The following MYO1H variants were observed in gnomAD, a reference collection of about 807,000 sequenced individuals.
MYO1H encodes the protein myosin IH.
Under a neutral mutation model 149.3 loss-of-function variants are expected in MYO1H, and 118 were observed. The observed-to-expected ratio is 0.79, with a 90% CI of 0.68 to 0.92. The LOEUF is 0.92. Among genes scored for constraint, MYO1H ranks in the 40% least tolerant of loss-of-function variants. MYO1H has a pLI of 0.00. For missense variants in MYO1H, 1,212 were observed against 1,280.7 expected (o/e 0.95, Z 0.82); for synonymous variants, 447 against 465.2 (o/e 0.96, Z 0.50).
intron 13 of MYO1H, 84 bp downstream of exon 13, chr12:109,410,852 T>G: frequency 2.1e-6 from 2 of 975,596 alleles, no homozygotes; most frequent in South Asian, 2.9e-5. Context: ...TTAAAAAGGG[T>G]TGAGCCAGGC....
chr12:109,409,518 A>G, intron 10 of MYO1H, 39 bp from the exon 11 acceptor site: 1 of 1,582,076 alleles, frequency 6.3e-7, no homozygotes, highest in Non-Finnish European at 8.7e-7. Context: ...GCACAAAGGA[A>G]AAGACCTAAC....
At chr12:109,368,591 G>A (rs1275156700) in intron 1 of MYO1H, among the ~76,000 whole-genome samples, 1 of 148,840 alleles carries the variant, frequency 6.7e-6, no homozygotes, top group Non-Finnish European at 1.5e-5. Context: ...GAGAGGTGGA[G>A]GTTGCAGTGA....
At position 109,397,828 on chromosome 12, in the gene MYO1H, T is replaced by G; in HGVS notation, c.570+16T>G. ...TGATTTTCAGGTACACTGAAGCTCC[T>G]ATTACTGGTTCATGGGGACCCCTTA... On this transcript the variant is annotated intron_variant, in intron 5 of 31. Transcript: ENST00000310903. The G allele has an allele frequency of 3.8e-6, 6 of 1,586,254 alleles. No individual in the cohort carries two copies. The highest frequency in any genetic ancestry group is 5.2e-6 in the Non-Finnish European group (6 of 1,163,326).
chr12:109,365,815 AC>A (rs1215228479), intron 1 of MYO1H, among the ~76,000 whole-genome samples: 1 of 152,104 alleles, frequency 6.6e-6, no homozygotes, highest in African/African-American at 2.4e-5. Flanking sequence ...GACCAGGGGT[AC>A]CCAACCCCTG....
At chr12:109,431,850 C>G (rs1453017664) in intron 19 of MYO1H, among the ~76,000 whole-genome samples, 2 of 152,032 alleles carry the variant, frequency 1.3e-5, no homozygotes, top group Non-Finnish European at 2.9e-5. Flanking sequence ...CTTCTCTACT[C>G]TTTCTTGAGA....
chr12:109,440,858 G>C (rs1872092267), intron 25 of MYO1H, 31 bp downstream of exon 25: 3 of 1,448,596 alleles, frequency 2.1e-6, no homozygotes, highest in Non-Finnish European at 2.8e-6. Flanking sequence ...GTGGCCGGTG[G>C]TGGGGGTGGG....
intron 2 of MYO1H, among the ~76,000 whole-genome samples, chr12:109,390,462 A>G (rs1869597971): frequency 6.6e-6 from 1 of 151,812 alleles, no homozygotes; most frequent in South Asian, 2.1e-4. Context: ...TCTATATAAG[A>G]GCTTGGAGCT....
In MYO1H at chr12:109,403,939, C is replaced by T. The variant is rs780268234; in HGVS notation, c.751-43C>T. 10 of 1,332,942 alleles carry T rather than the reference C, an allele frequency of 7.5e-6. No homozygotes were observed. The South Asian group carries it at 8.4e-5, about 11-fold the overall frequency. The allele number at this position is 1,332,942 out of a possible 1,614,324, so 82.6% of individuals were successfully genotyped here. On this transcript the variant is annotated intron_variant, in intron 6 of 31. Coordinates refer to ENST00000310903, the Ensembl canonical transcript of MYO1H. ...AGAGGAATAGACATGCTTAATTGCC[C>T]CTATAAAAATGACATTAAGTGACTC...
At chr12:109,402,701 C>T (rs1317948835) in intron 6 of MYO1H, among the ~76,000 whole-genome samples, 1 of 152,174 alleles carries the variant, frequency 6.6e-6, no homozygotes, top group African/African-American at 2.4e-5. Context: ...CAACTAATTA[C>T]TAGAACAAAG....
At chr12:109,414,778 G>C (rs578059370) in intron 14 of MYO1H, among the ~76,000 whole-genome samples, 1 of 152,156 alleles carries the variant, frequency 6.6e-6, no homozygotes, top group Non-Finnish European at 1.5e-5. Flanking sequence ...TATAATTATA[G>C]CTCACTGCAG....
upstream of MYO1H, among the ~76,000 whole-genome samples, chr12:109,344,335 A>C (rs530712034): frequency 5.9e-5 from 9 of 152,316 alleles, no homozygotes; most frequent in South Asian, 1.9e-3. Context: ...AGTCAACTAT[A>C]TTTTTGTATG....
the MYO1H span, among the ~76,000 whole-genome samples, chr12:109,316,133 C>T: frequency 0.046 from 5,987 of 129,690 alleles, 340 homozygotes; most frequent in East Asian, 0.17. Flanking sequence ...CTGCATGCTT[C>T]AAGCCACCTC....
chr12:109,445,657 A>G (rs751477142), intron 31 of MYO1H, 45 bp downstream of exon 31: 21 of 1,579,472 alleles, frequency 1.3e-5, no homozygotes, highest in Non-Finnish European at 1.7e-5. Flanking sequence ...TTTAGATGAG[A>G]ATATAAGTTA....
intron 21 of MYO1H, among the ~76,000 whole-genome samples, 162 bp from the exon 22 acceptor site, chr12:109,436,326 C>T (rs1427623393): frequency 6.6e-6 from 1 of 152,082 alleles, no homozygotes; most frequent in Non-Finnish European, 1.5e-5. Flanking sequence ...ATGTAACCAG[C>T]CAGCTCTCAG....
chr12:109,443,042 G>GTGTGTGTATACACATA (rs1276021967), intron 27 of MYO1H, among the ~76,000 whole-genome samples: 13 of 91,994 alleles, frequency 1.4e-4, no homozygotes, highest in African/African-American at 6.6e-4. Flanking sequence ...GTGTGTGTGT[G>GTGTGTGTATACACATA]TGTGTATATA....
At chr12:109,412,089 A>C (rs942229695) in intron 14 of MYO1H, 104 bp downstream of exon 14, 8 of 728,960 alleles carry the variant, frequency 1.1e-5, no homozygotes, top group Non-Finnish European at 1.6e-5. Flanking sequence ...TACTTCATAC[A>C]TAAAAATATC....
intron 1 of MYO1H, among the ~76,000 whole-genome samples, chr12:109,358,166 G>A (rs1423422790): frequency 1.3e-5 from 2 of 151,488 alleles, no homozygotes; most frequent in African/African-American, 4.9e-5. Context: ...TTTCAATAAC[G>A]CATCATGACA....
At chr12:109,333,286 C>T in the MYO1H span, among the ~76,000 whole-genome samples, 9 of 152,000 alleles carry the variant, frequency 5.9e-5, no homozygotes, top group Admixed American at 5.2e-4. Context: ...CACCATCGCA[C>T]TCTAGCCTTG....
At chr12:109,326,393 C>T in the MYO1H span, among the ~76,000 whole-genome samples, 14 of 152,144 alleles carry the variant, frequency 9.2e-5, no homozygotes, top group East Asian at 1.9e-4. Flanking sequence ...GAGGAAGGAA[C>T]TCTTCATCCA....
Sources: allele counts gnomAD v4.1 joint callset (sites outside exome capture counted in the v4.1 genomes callset), GRCh38; gene constraint gnomAD v4.1.1; transcripts MANE v1.5; gene names NCBI Gene and HGNC (gene_info 2026-07-23, HGNC 2026-07-21).